The following TMEM238L variants were observed in gnomAD, a reference collection of about 807,000 sequenced individuals.
TMEM238L encodes transmembrane protein 238 like.
intron 1 of TMEM238L, among the ~76,000 whole-genome samples, chr17:10,802,905 C>T (rs564064856): frequency 9.8e-5 from 15 of 152,314 alleles, no homozygotes; most frequent in African/African-American, 2.4e-4. Context: ...TGCAACTCAG[C>T]GGATGAAATC....
intron 1 of TMEM238L, 82 bp downstream of exon 1, chr17:10,803,524 G>A: frequency 2.6e-6 from 1 of 383,476 alleles, no homozygotes; most frequent in South Asian, 1.5e-4. Flanking sequence ...ATTTGCTTAT[G>A]CAGCCTCAGG....
Position 10,803,897 on chromosome 17 carries a change from G to T in TMEM238L, c.67C>A (p.Leu23Ile), listed in dbSNP as rs960872467. 24 of 399,690 alleles carry T rather than the reference G, an allele frequency of 6.0e-5. 1 individual carries two copies. Among genetic ancestry groups the T allele is most frequent in the Admixed American group, 5.7e-4 (13 of 22,750 alleles). 24.8% of individuals were successfully genotyped at this position (399,690 alleles called of 1,614,324 possible). Residue 23 changes from leucine (L) to isoleucine (I), a missense_variant, in exon 1 of 2, where the codon CTC becomes ATC. Transcript: ENST00000581851. Reference sequence around the variant, plus strand: ...ACCAGGCCGACCGCGTCCAGCAGGAGGGCGAGGATGAGGAAGAGCGCACAG... The same window carrying T: ...ACCAGGCCGACCGCGTCCAGCAGGATGGCGAGGATGAGGAAGAGCGCACAG...
At chr17:10,802,233 G>T (rs1904767376) in intron 1 of TMEM238L, among the ~76,000 whole-genome samples, 1 of 152,168 alleles carries the variant, frequency 6.6e-6, no homozygotes, top group African/African-American at 2.4e-5. Context: ...GAGACACCAA[G>T]GTACTTCACA....
intron 1 of TMEM238L, among the ~76,000 whole-genome samples, chr17:10,796,714 G>T (rs1309228579): frequency 2.0e-5 from 3 of 152,054 alleles, no homozygotes; most frequent in Non-Finnish European, 4.4e-5. Flanking sequence ...GTCCTTCTTT[G>T]TCCTCTTTGC....
intron 1 of TMEM238L, among the ~76,000 whole-genome samples, chr17:10,796,825 G>C (rs1382103047): frequency 6.6e-6 from 1 of 152,182 alleles, no homozygotes; most frequent in Non-Finnish European, 1.5e-5. Flanking sequence ...CATGGATCAA[G>C]GTTCTGACTT....
At chr17:10,803,706 C>A in exon 1 of TMEM238L, 2 of 399,222 alleles carry the variant, frequency 5.0e-6, no homozygotes, top group South Asian at 2.6e-4. Context: ...CGTCTCTTCT[C>A]CTCTTCCCAT....
At chr17:10,798,514 T>C (rs528408651) in intron 1 of TMEM238L, among the ~76,000 whole-genome samples, 41 of 152,282 alleles carry the variant, frequency 2.7e-4, no homozygotes, top group Non-Finnish European at 5.0e-4. Flanking sequence ...GGCTGCCTGT[T>C]GGAAAAAGTC....
intron 1 of TMEM238L, among the ~76,000 whole-genome samples, chr17:10,799,191 CATTTTTTA>C (rs1041675145): frequency 1.6e-4 from 24 of 152,278 alleles, no homozygotes; most frequent in African/African-American, 4.8e-4. Context: ...CTATCAAACT[CATTTTTTA>C]ATTTTTTATT....
chr17:10,800,151 T>C (rs1005290900), intron 1 of TMEM238L, among the ~76,000 whole-genome samples: 27 of 151,924 alleles, frequency 1.8e-4, no homozygotes, highest in African/African-American at 6.5e-4. Flanking sequence ...CCAGGATGGT[T>C]TCGATCTCCT....
At chr17:10,796,470 G>A (rs766370226) in intron 1 of TMEM238L, among the ~76,000 whole-genome samples, 1 of 152,164 alleles carries the variant, frequency 6.6e-6, no homozygotes, top group Non-Finnish European at 1.5e-5. Context: ...GGTTATGCCA[G>A]CAGGTGACTG....
chr17:10,801,808 G>T (rs1904755992), intron 1 of TMEM238L, among the ~76,000 whole-genome samples: 1 of 151,494 alleles, frequency 6.6e-6, no homozygotes, highest in Admixed American at 6.6e-5. Context: ...ATTGAGACAG[G>T]TCTCACTCTG....
At chr17:10,799,244 C>T (rs1381706579) in intron 1 of TMEM238L, among the ~76,000 whole-genome samples, 1 of 152,252 alleles carries the variant, frequency 6.6e-6, no homozygotes, top group Non-Finnish European at 1.5e-5. Flanking sequence ...GCCGCCCAGG[C>T]TGGAGTGCAG....
exon 1 of TMEM238L, chr17:10,803,734 A>G (rs773890451): frequency 5.5e-5 from 22 of 399,514 alleles, no homozygotes; most frequent in Admixed American, 1.8e-4. Flanking sequence ...TTACAGGTCC[A>G]GTTTTTCAGG....
chr17:10,800,497 C>T (rs7209384), intron 1 of TMEM238L, among the ~76,000 whole-genome samples: 13,965 of 152,234 alleles, frequency 0.092, 1,088 homozygotes, highest in African/African-American at 0.19. Context: ...AGTCTCATAT[C>T]TACTGAAAAA....
intron 1 of TMEM238L, among the ~76,000 whole-genome samples, chr17:10,800,370 C>T (rs1904701455): frequency 6.6e-6 from 1 of 152,212 alleles, no homozygotes. Flanking sequence ...CACTCTGGGC[C>T]ATCCCTGAAA....
rs367589955 is a variant in TMEM238L at position 10,798,308 on chromosome 17, G to A, written c.*119-2360C>T. ...TCCCTTGGAAACTTTGTGAAGTATCGTGCACATGCTTTATCTCTCCCCTTA... is the reference window on the plus strand; with the variant it reads ...TCCCTTGGAAACTTTGTGAAGTATCATGCACATGCTTTATCTCTCCCCTTA... On this transcript the variant is annotated intron_variant, in intron 1 of 1. Transcript: ENST00000581851. Among the ~76,000 whole-genome samples the A allele has an allele frequency of 7.2e-5, 11 of 152,178 alleles. No individual in the cohort carries two copies. The South Asian group carries it at 1.5e-3, about 20-fold the overall frequency.
At chr17:10,797,577 C>A (rs148102366) in intron 1 of TMEM238L, among the ~76,000 whole-genome samples, 1 of 152,104 alleles carries the variant, frequency 6.6e-6, no homozygotes, top group Non-Finnish European at 1.5e-5. Flanking sequence ...TGCTCGTATA[C>A]GATTTGCATA....
At chr17:10,796,993 G>A (rs1904568665) in intron 1 of TMEM238L, among the ~76,000 whole-genome samples, 1 of 152,154 alleles carries the variant, frequency 6.6e-6, no homozygotes, top group Non-Finnish European at 1.5e-5. Context: ...GATAATATGA[G>A]AGTGAACGAG....
chr17:10,796,809 T>G (rs149122813), intron 1 of TMEM238L, among the ~76,000 whole-genome samples: 20 of 152,336 alleles, frequency 1.3e-4, no homozygotes, highest in African/African-American at 4.6e-4. Context: ...GTTCCCCACA[T>G]GCAGGCATGG....
Sources: gnomAD v4.1 joint callset for allele counts (sites outside exome capture counted in the v4.1 genomes callset) on GRCh38, gnomAD v4.1.1 for gene constraint, MANE v1.5 for transcripts, NCBI Gene and HGNC (gene_info 2026-07-23, HGNC 2026-07-21) for gene names.